The following NT5C2 variants were observed in gnomAD, a reference collection of about 807,000 sequenced individuals.
NT5C2 encodes the protein 5'-nucleotidase, cytosolic II.
Under a neutral mutation model 76.1 loss-of-function variants are expected in NT5C2, and 58 were observed. The observed-to-expected ratio is 0.76, with a 90% CI of 0.62 to 0.95. The LOEUF (loss-of-function observed/expected upper bound fraction) is 0.95, where lower values mean the gene tolerates loss of function less well. Among genes scored for constraint, NT5C2 ranks in the 40% least tolerant of loss-of-function variants. The pLI, the probability that NT5C2 is intolerant of heterozygous loss-of-function variation, is 0.00. For missense variants in NT5C2, 478 were observed against 690.3 expected, an observed-to-expected ratio of 0.69 and a Z score of 3.45; for synonymous variants, 229 against 237.4, an observed-to-expected ratio of 0.96 and a Z score of 0.32.
intron 4 of NT5C2, among the ~76,000 whole-genome samples, chr10:103,123,120 G>A (rs987150222): frequency 1.3e-5 from 2 of 152,038 alleles, no homozygotes; most frequent in Admixed American, 6.6e-5. Context: ...TGACTTAGTA[G>A]CCTTTTTTAT....
At chr10:103,150,119 G>T (rs2082148731) in intron 3 of NT5C2, among the ~76,000 whole-genome samples, 1 of 152,162 alleles carries the variant, frequency 6.6e-6, no homozygotes, top group South Asian at 2.1e-4. Flanking sequence ...GAAAATTTTG[G>T]TGAGTCTGAT....
chr10:103,098,806 C>T (rs899239716), intron 10 of NT5C2, 125 bp downstream of exon 10: 113 of 700,354 alleles, frequency 1.6e-4, no homozygotes, highest in Non-Finnish European at 2.5e-4. Flanking sequence ...TGATTATACC[C>T]GACACATACT....
rs375924284 is a variant in NT5C2, at chr10:103,100,069, A to G, written c.540-50T>C. Reference sequence around the variant, plus strand: ...ACAGGGGATCCAAAACAGGGTAAACAAAATATATATCAAAAATTTCCCAGG... The same window carrying G: ...ACAGGGGATCCAAAACAGGGTAAACGAAATATATATCAAAAATTTCCCAGG... On this transcript the variant is annotated intron_variant, in intron 8 of 18. Coordinates refer to ENST00000404739, the MANE Select transcript of NT5C2 (RefSeq NM_001351169.2). 6 of 1,249,320 alleles carry G rather than the reference A, an allele frequency of 4.8e-6. No homozygotes were observed. In the African/African-American group the frequency reaches 8.9e-5, roughly 19 times the overall value. 77.4% of individuals were successfully genotyped at this position (1,249,320 alleles called of 1,614,324 possible).
chr10:103,097,868 TA>T, intron 10 of NT5C2: 1 of 379,516 alleles, frequency 2.6e-6, no homozygotes, highest in Non-Finnish European at 5.0e-6. Context: ...CACGTGCGCT[TA>T]AATGAGGAAA....
chr10:103,101,135 T>A, intron 7 of NT5C2, 33 bp from the exon 8 acceptor site: 2 of 1,523,740 alleles, frequency 1.3e-6, no homozygotes, highest in Non-Finnish European at 1.8e-6. Context: ...TCATAAGCTA[T>A]AATGAAATAA....
chr10:103,144,221 C>G (rs961370364), intron 3 of NT5C2, among the ~76,000 whole-genome samples: 1 of 152,090 alleles, frequency 6.6e-6, no homozygotes, highest in Admixed American at 6.5e-5. Flanking sequence ...CTTGATCAGG[C>G]CCTAACAGCT....
chr10:103,097,304 T>A lies in NT5C2; in HGVS notation c.758A>T (p.Tyr253Phe). 2 of 1,612,534 alleles carry A rather than the reference T, an allele frequency of 1.2e-6. No homozygotes were observed. Among genetic ancestry groups the A allele is most frequent in the Non-Finnish European group, 1.7e-6 (2 of 1,178,802 alleles). The change falls in exon 11 of 19, where the codon TAT becomes TTT. Residue 253 changes from tyrosine to phenylalanine, a missense_variant. By Grantham distance (22) the Tyr-to-Phe change is conservative. Transcript: ENST00000404739. ...GKVFLATNSDYKYTDKIMTYL... is the reference protein window; with the variant it reads ...GKVFLATNSDFKYTDKIMTYL... ...TGAAGCACTTACATCTGTATATTTATAGTCACTGTTGGTAGCAAGAAATAC... is the reference window on the plus strand; with the variant it reads ...TGAAGCACTTACATCTGTATATTTAAAGTCACTGTTGGTAGCAAGAAATAC...
intron 4 of NT5C2, among the ~76,000 whole-genome samples, chr10:103,130,572 A>C (rs1455814459): frequency 9.8e-6 from 1 of 102,102 alleles, no homozygotes; most frequent in African/African-American, 3.7e-5. Context: ...ATTTAAAAAA[A>C]AAATAAAAAT....
chr10:103,102,747 G>T (rs193298676), intron 6 of NT5C2, among the ~76,000 whole-genome samples: 80 of 152,040 alleles, frequency 5.3e-4, no homozygotes, highest in African/African-American at 1.8e-3. Flanking sequence ...ACAGAAATAT[G>T]AAAACTAGAT....
intron 10 of NT5C2, chr10:103,098,167 T>C (rs1026567686): frequency 1.8e-5 from 8 of 451,560 alleles, no homozygotes; most frequent in Admixed American, 1.2e-4. Flanking sequence ...TCTAGACTTA[T>C]AGAAAAGCTG....
intron 4 of NT5C2, among the ~76,000 whole-genome samples, chr10:103,127,847 C>T (rs1219841036): frequency 7.9e-5 from 12 of 151,534 alleles, no homozygotes; most frequent in East Asian, 3.9e-4. Context: ...TGAGCCACCG[C>T]GCCCGGCCTA....
intron 2 of NT5C2, among the ~76,000 whole-genome samples, chr10:103,180,909 A>G (rs1254506091): frequency 6.6e-6 from 1 of 152,162 alleles, no homozygotes; most frequent in Non-Finnish European, 1.5e-5. Flanking sequence ...ATTCGTAATA[A>G]CTACACTGAG....
At chr10:103,105,176 A>T (rs2070893352) in intron 6 of NT5C2, among the ~76,000 whole-genome samples, 1 of 152,162 alleles carries the variant, frequency 6.6e-6, no homozygotes, top group South Asian at 2.1e-4. Context: ...TATTTGTTTA[A>T]AATATTATTA....
chr10:103,130,536 C>A (rs2077943172), intron 4 of NT5C2, among the ~76,000 whole-genome samples: 1 of 125,772 alleles, frequency 8.0e-6, no homozygotes, highest in Non-Finnish European at 1.7e-5. Context: ...GTGAGAAACA[C>A]CCAAGAATTA....
chr10:103,129,468 G>C (rs112402881), intron 4 of NT5C2, among the ~76,000 whole-genome samples: 1 of 114,504 alleles, frequency 8.7e-6, no homozygotes, highest in Non-Finnish European at 1.9e-5. Flanking sequence ...CCGTCCGGGA[G>C]GGAGATGGGG....
intron 3 of NT5C2, among the ~76,000 whole-genome samples, chr10:103,162,717 T>C (rs751197643): frequency 7.2e-5 from 11 of 152,206 alleles, no homozygotes; most frequent in Non-Finnish European, 1.3e-4. Flanking sequence ...TAGAATTGAA[T>C]GTATATATCC....
At chr10:103,133,037 C>T (rs1273178396) in intron 4 of NT5C2, among the ~76,000 whole-genome samples, 1 of 152,162 alleles carries the variant, frequency 6.6e-6, no homozygotes, top group African/African-American at 2.4e-5. Context: ...CTTGAATTTG[C>T]ACGTGTTGTG....
At chr10:103,091,761 C>G in intron 15 of NT5C2, 146 bp from the exon 16 acceptor site, 1 of 653,926 alleles carries the variant, frequency 1.5e-6, no homozygotes, top group Non-Finnish European at 2.8e-6. Context: ...CTCCTCTTCC[C>G]CTCTTCAGGA....
Position 103,183,262 on chromosome 10 carries a change from G to GATACATATATATAT in NT5C2, c.-168-1935_-168-1934insATATATATATGTAT, listed in dbSNP as rs1554841573. On this transcript the variant is annotated intron_variant, in intron 1 of 18. Coordinates refer to ENST00000404739, the MANE Select transcript of NT5C2 (RefSeq NM_001351169.2). The stretch of plus-strand genomic sequence containing the variant: ...GAGATATATATATATGTGTGTGTGT[G>GATACATATATATAT]ATATATATATATATATATATATATA... Among the ~76,000 whole-genome samples, 16 of 73,374 alleles carry GATACATATATATAT rather than the reference G, an allele frequency of 2.2e-4. No individual in the cohort carries two copies. In the South Asian group the frequency reaches 4.1e-3, roughly 19 times the overall value. The allele number at this position is 73,374 out of a possible 152,430, so 48.1% of individuals were successfully genotyped here.
Sources: allele counts gnomAD v4.1 joint callset (sites outside exome capture counted in the v4.1 genomes callset), GRCh38; gene constraint gnomAD v4.1.1; transcripts MANE v1.5; gene names NCBI Gene and HGNC (gene_info 2026-07-23, HGNC 2026-07-21).